NFIA: variants seen among roughly 807,000 people sequenced by gnomAD.
NFIA encodes the protein nuclear factor I A.
A neutral mutation model predicts 62.8 loss-of-function variants in NFIA; 8 were observed. The ratio of observed to expected loss-of-function variants is 0.13; its 90% confidence interval spans 0.07 to 0.23. The LOEUF is 0.23. Ranked by LOEUF, NFIA falls within the 10% of genes least tolerant of loss-of-function variation. The pLI is 1.00. For missense variants in NFIA, 410 were observed against 642.1 expected (o/e 0.64, Z 3.91); for synonymous variants, 235 against 238.1 (o/e 0.99, Z 0.12).
Position 61,235,503 on chromosome 1 carries a change from TAAAA to T in NFIA, c.560-42015_560-42012del, listed in dbSNP as rs770594849. On this transcript the variant is annotated intron_variant, in intron 2 of 10. Coordinates refer to ENST00000403491, the MANE Select transcript of NFIA (RefSeq NM_001134673.4). ...ATAAATAAATAAATAAATAAATAAATAAAAATAAAAAATAAAAAAAAATGAACAA... is the reference window on the plus strand; with the variant it reads ...ATAAATAAATAAATAAATAAATAAATATAAAAAATAAAAAAAAATGAACAA... Among the ~76,000 whole-genome samples the T allele has an allele frequency of 1.4e-3, 191 of 136,720 alleles. 3 individuals are homozygous for T. Among genetic ancestry groups the T allele is most frequent in the Admixed American group, 9.4e-3 (127 of 13,506 alleles). 89.7% of individuals were successfully genotyped at this position (136,720 alleles called of 152,430 possible).
At position 61,082,836 on chromosome 1, in the gene NFIA, T is replaced by TG. The variant is rs755178760; in HGVS notation, c.27+19dup. 17 of 1,477,314 alleles carry TG rather than the reference T, an allele frequency of 1.2e-5. No homozygotes were observed. The East Asian group carries it at 5.0e-4, about 43-fold the overall frequency. The allele number at this position is 1,477,314 out of a possible 1,614,324, so 91.5% of individuals were successfully genotyped here. ...TCACCCAGGTAAGCCGCGGCGTGGA[T>TG]GCGGAGGGCTTGGGGGCCGGGGCGC... is the stretch of plus-strand genomic sequence containing the variant. On this transcript the variant is annotated intron_variant, in intron 1 of 10. Transcript: ENST00000403491.
intron 2 of NFIA, among the ~76,000 whole-genome samples, chr1:61,129,189 T>A (rs937156123): frequency 2.0e-5 from 3 of 152,122 alleles, no homozygotes; most frequent in Non-Finnish European, 2.9e-5. Context: ...CCCAGAGTGC[T>A]GGGATTACAG....
chr1:61,283,594 A>AAAAAAAAAAAAAAAG (rs1658295453), intron 3 of NFIA, among the ~76,000 whole-genome samples: 3 of 110,010 alleles, frequency 2.7e-5, no homozygotes, highest in South Asian at 3.1e-4. Flanking sequence ...AAAAAAAAAA[A>AAAAAAAAAAAAAAAG]AAAAAAAAAA....
chr1:61,205,103 CTAT>C (rs1320643834), intron 2 of NFIA, among the ~76,000 whole-genome samples: 1 of 152,072 alleles, frequency 6.6e-6, no homozygotes, highest in East Asian at 1.9e-4. Context: ...TAAGGTAATA[CTAT>C]TATTATCTAT....
chr1:61,350,579 T>A (rs918308885), intron 4 of NFIA, among the ~76,000 whole-genome samples: 4 of 152,124 alleles, frequency 2.6e-5, no homozygotes, highest in African/African-American at 9.7e-5. Flanking sequence ...GAGGCTACAG[T>A]AAGCTATGAT....
chr1:61,079,243 G>T (rs1646067730), upstream of NFIA, among the ~76,000 whole-genome samples: 1 of 152,160 alleles, frequency 6.6e-6, no homozygotes, highest in Admixed American at 6.5e-5. Flanking sequence ...AGTTAGTTTT[G>T]GTAAGAACTA....
chr1:61,346,284 G>A (rs574876973), intron 4 of NFIA, among the ~76,000 whole-genome samples: 169 of 152,248 alleles, frequency 1.1e-3, no homozygotes, highest in African/African-American at 3.8e-3. Context: ...GATTGGCAGC[G>A]ACTGCATCGT....
chr1:61,247,646 G>A (rs1655737126), intron 2 of NFIA, among the ~76,000 whole-genome samples: 1 of 152,166 alleles, frequency 6.6e-6, no homozygotes, highest in African/African-American at 2.4e-5. Context: ...GATGCCCTCG[G>A]GCCGTTGCTG....
chr1:61,335,178 G>T (rs1344152950), intron 4 of NFIA, among the ~76,000 whole-genome samples: 1 of 152,224 alleles, frequency 6.6e-6, no homozygotes, highest in East Asian at 1.9e-4. Flanking sequence ...GCCTCGTGCT[G>T]ACGGAAACTG....
intron 2 of NFIA, among the ~76,000 whole-genome samples, chr1:61,261,374 CA>C (rs1656764217): frequency 6.6e-6 from 1 of 152,136 alleles, no homozygotes; most frequent in Non-Finnish European, 1.5e-5. Context: ...ACTTTCAGTA[CA>C]GTATTCAATA....
At position 61,456,374 on chromosome 1, in the gene NFIA, T is replaced by A. The variant is rs199760924; in HGVS notation, c.*1054T>A. 5 of 146,384 alleles carry A rather than the reference T, an allele frequency of 3.4e-5. No individual in the cohort carries two copies. Among genetic ancestry groups the A allele is most frequent in the African/African-American group, 2.5e-5 (1 of 39,850 alleles). The allele number at this position is 146,384 out of a possible 1,614,324, so 9.1% of individuals were successfully genotyped here. A position where few individuals can be genotyped will look rare whatever the true frequency, so the allele number is the denominator to read the frequency against. On this transcript the variant is annotated 3_prime_UTR_variant, in exon 11 of 11. Coordinates refer to ENST00000403491, the MANE Select transcript of NFIA (RefSeq NM_001134673.4). ...TATCCCTTTAAAAACTGAAGGAAAT[T>A]AAAAAAAAAAAACAAAAAAACAAAT...
chr1:61,366,451 G>A (rs183854991), intron 6 of NFIA, among the ~76,000 whole-genome samples: 8 of 152,282 alleles, frequency 5.3e-5, no homozygotes, highest in Admixed American at 2.0e-4. Context: ...TACTGGGATT[G>A]TAAAACAATT....
At chr1:61,156,918 T>G (rs1353801018) in intron 2 of NFIA, among the ~76,000 whole-genome samples, 1 of 152,096 alleles carries the variant, frequency 6.6e-6, no homozygotes, top group Non-Finnish European at 1.5e-5. Flanking sequence ...GGGGTTGGAG[T>G]TCTTAATGAA....
chr1:61,184,400 C>G (rs1651007000), intron 2 of NFIA, among the ~76,000 whole-genome samples: 1 of 152,252 alleles, frequency 6.6e-6, no homozygotes, highest in Admixed American at 6.5e-5. Flanking sequence ...CCACAGAGTA[C>G]TTTACCTTGT....
intron 2 of NFIA, among the ~76,000 whole-genome samples, chr1:61,153,522 C>T (rs1196691205): frequency 1.3e-5 from 2 of 152,138 alleles, no homozygotes; most frequent in Admixed American, 6.5e-5. Context: ...AACTAATTTT[C>T]CCGTTGTAAA....
intron 3 of NFIA, among the ~76,000 whole-genome samples, chr1:61,330,614 AC>A (rs1661251699): frequency 6.6e-6 from 1 of 152,140 alleles, no homozygotes; most frequent in Non-Finnish European, 1.5e-5. Flanking sequence ...AAGTCCTTGC[AC>A]CTAAATCACC....
chr1:61,298,354 T>A (rs116383027), intron 3 of NFIA, among the ~76,000 whole-genome samples: 2,667 of 152,148 alleles, frequency 0.018, 33 homozygotes, highest in Non-Finnish European at 0.028. Flanking sequence ...CCTCTTTTTT[T>A]AAAAAAATAA....
At chr1:61,318,903 G>A (rs1660516360) in intron 3 of NFIA, among the ~76,000 whole-genome samples, 1 of 152,152 alleles carries the variant, frequency 6.6e-6, no homozygotes, top group South Asian at 2.1e-4. Context: ...AAAATCCAGA[G>A]CTAAAAGAGT....
In NFIA at chr1:61,462,689, A is replaced by G. The variant is rs993924007; in HGVS notation, c.*7369A>G. On this transcript the variant is annotated 3_prime_UTR_variant, in exon 11 of 11. Coordinates refer to ENST00000403491, the MANE Select transcript of NFIA (RefSeq NM_001134673.4). ...ATTAGTTTAACTCTTGTATTCAACC[A>G]TTAGTGCTACCACCTTCTCACATTA... is the stretch of plus-strand genomic sequence containing the variant. 4 of 152,256 alleles carry G rather than the reference A, an allele frequency of 2.6e-5. No individual in the cohort carries two copies. Among genetic ancestry groups the G allele is most frequent in the Non-Finnish European group, 5.9e-5 (4 of 68,048 alleles). The allele number at this position is 152,256 out of a possible 1,614,324, so 9.4% of individuals were successfully genotyped here. A position where few individuals can be genotyped will look rare whatever the true frequency, so the allele number is the denominator to read the frequency against.
Sources: gnomAD v4.1 joint callset for allele counts (sites outside exome capture counted in the v4.1 genomes callset) on GRCh38, gnomAD v4.1.1 for gene constraint, MANE v1.5 for transcripts, NCBI Gene and HGNC (gene_info 2026-07-23, HGNC 2026-07-21) for gene names.